ZMYM2: variants seen among roughly 807,000 people sequenced by gnomAD.
ZMYM2 encodes the protein zinc finger MYM-type containing 2, also known as zinc finger MYM-type protein 2.
In ZMYM2, 56 loss-of-function variants were observed where a neutral mutation model predicts 162.8. That is an observed-to-expected ratio of 0.34 (90% CI 0.28 to 0.43). The LOEUF (loss-of-function observed/expected upper bound fraction) is 0.43, where lower values mean the gene tolerates loss of function less well. Among genes scored for constraint, ZMYM2 ranks in the 20% least tolerant of loss-of-function variants. The pLI is 1.00. For synonymous variants in ZMYM2, 510 were observed against 541.6 expected (o/e 0.94, Z 0.81); for missense variants, 1,275 against 1,621.8 (o/e 0.79, Z 3.67).
chr13:19,874,668 C>A, the ZMYM2 span, among the ~76,000 whole-genome samples: 1 of 151,814 alleles, frequency 6.6e-6, no homozygotes, highest in Non-Finnish European at 1.5e-5. Flanking sequence ...TTCCCTAACT[C>A]ATAATCCTTA....
At chr13:19,882,732 G>T in the ZMYM2 span, among the ~76,000 whole-genome samples, 1 of 152,022 alleles carries the variant, frequency 6.6e-6, no homozygotes, top group South Asian at 2.1e-4. Context: ...AAGCGACAGG[G>T]TAAGACCCTG....
intron 6 of ZMYM2, among the ~76,000 whole-genome samples, chr13:20,014,343 ATTATAGGCATGATCCAC>A (rs1951439606): frequency 6.6e-6 from 1 of 152,148 alleles, no homozygotes; most frequent in South Asian, 2.1e-4. Flanking sequence ...AAATGTTGGG[ATTATAGGCATGATCCAC>A]TGCACCCGGC....
the ZMYM2 span, among the ~76,000 whole-genome samples, chr13:19,904,042 A>T: frequency 6.2e-3 from 944 of 152,166 alleles, 15 homozygotes; most frequent in African/African-American, 0.021. Flanking sequence ...AGAGAAGAAC[A>T]TATGTTTAAC....
chr13:19,994,487 G>A (rs1394271465), intron 3 of ZMYM2, among the ~76,000 whole-genome samples: 1 of 152,108 alleles, frequency 6.6e-6, no homozygotes, highest in Non-Finnish European at 1.5e-5. Context: ...TTGTACAGTA[G>A]TTGCATTTAG....
At chr13:20,063,429 C>A (rs904641222) in intron 18 of ZMYM2, among the ~76,000 whole-genome samples, 5 of 143,904 alleles carry the variant, frequency 3.5e-5, no homozygotes, top group Admixed American at 2.1e-4. Flanking sequence ...AAAAAAAATT[C>A]TAGAAGTAAT....
intron 7 of ZMYM2, among the ~76,000 whole-genome samples, chr13:20,023,568 C>T (rs941241681): frequency 6.6e-6 from 1 of 152,132 alleles, no homozygotes; most frequent in African/African-American, 2.4e-5. Context: ...ATCATATCTA[C>T]GTTTTACCTT....
At chr13:19,865,861 T>C in the ZMYM2 span, among the ~76,000 whole-genome samples, 2 of 152,340 alleles carry the variant, frequency 1.3e-5, no homozygotes, top group African/African-American at 4.8e-5. Context: ...TTGTAAATCT[T>C]TTGATAATTC....
intron 2 of ZMYM2, among the ~76,000 whole-genome samples, chr13:19,979,206 TC>T (rs1462630128): frequency 6.6e-6 from 1 of 152,186 alleles, no homozygotes; most frequent in Non-Finnish European, 1.5e-5. Context: ...CTCTTTGAGG[TC>T]CACAATGTGT....
intron 2 of ZMYM2, among the ~76,000 whole-genome samples, chr13:19,960,514 T>C (rs1955090329): frequency 1.3e-5 from 2 of 152,232 alleles, no homozygotes. Flanking sequence ...TTATGGCTCA[T>C]GAGTTGCTAG....
chr13:19,983,861 CA>C (rs1490086551), intron 2 of ZMYM2, among the ~76,000 whole-genome samples: 1 of 152,006 alleles, frequency 6.6e-6, no homozygotes, highest in Non-Finnish European at 1.5e-5. Flanking sequence ...ACTGCGGGCT[CA>C]AGAGATCTGC....
intron 2 of ZMYM2, among the ~76,000 whole-genome samples, chr13:19,991,058 GTGTGTGTACGTATGTATTTTC>G (rs771256940): frequency 0.031 from 4,342 of 139,034 alleles, 101 homozygotes; most frequent in Admixed American, 0.082. Context: ...CTGTGTGTGT[GTGTGTGTACGTATGTATTTTC>G]TGTGTGTGTG....
intron 3 of ZMYM2, among the ~76,000 whole-genome samples, chr13:19,994,442 TTAATA>T (rs1200042361): frequency 6.6e-6 from 1 of 152,244 alleles, no homozygotes; most frequent in African/African-American, 2.4e-5. Flanking sequence ...AACCAAAAGA[TTAATA>T]TAATAGCACA....
At chr13:20,043,467 G>A (rs1054006844) in intron 12 of ZMYM2, among the ~76,000 whole-genome samples, 4 of 152,140 alleles carry the variant, frequency 2.6e-5, no homozygotes, top group African/African-American at 4.8e-5. Context: ...GGTGGAGTGG[G>A]GAACCCCTGT....
the ZMYM2 span, among the ~76,000 whole-genome samples, chr13:19,894,840 T>C: frequency 1.3e-5 from 2 of 151,766 alleles, no homozygotes; most frequent in Non-Finnish European, 2.9e-5. Flanking sequence ...CCTGTAATCC[T>C]AGCACTTCGG....
At chr13:19,989,213 T>C (rs951124059) in intron 2 of ZMYM2, among the ~76,000 whole-genome samples, 1 of 152,250 alleles carries the variant, frequency 6.6e-6, no homozygotes. Flanking sequence ...TTGTGTTCTC[T>C]AACTTTTTAA....
chr13:19,944,374 T>TA, the ZMYM2 span, among the ~76,000 whole-genome samples: 1 of 152,192 alleles, frequency 6.6e-6, no homozygotes. Context: ...TAATGAGTAA[T>TA]ACAGTTTAAA....
intron 21 of ZMYM2, among the ~76,000 whole-genome samples, chr13:20,068,790 A>G (rs1462098436): frequency 6.6e-6 from 1 of 152,196 alleles, no homozygotes; most frequent in Non-Finnish European, 1.5e-5. Context: ...AAAGTGCTGT[A>G]GAGAGCACTA....
intron 14 of ZMYM2, among the ~76,000 whole-genome samples, chr13:20,054,016 C>G (rs900065228): frequency 1.3e-5 from 2 of 152,140 alleles, no homozygotes; most frequent in African/African-American, 2.4e-5. Context: ...GCACTTGAAC[C>G]AAACTATATG....
At chr13:19,865,747 T>C in the ZMYM2 span, among the ~76,000 whole-genome samples, 1 of 152,232 alleles carries the variant, frequency 6.6e-6, no homozygotes, top group Non-Finnish European at 1.5e-5. Context: ...GACAGGTTCA[T>C]GTCCCAATGA....
Sources: allele counts gnomAD v4.1 joint callset (sites outside exome capture counted in the v4.1 genomes callset), GRCh38; gene constraint gnomAD v4.1.1; transcripts MANE v1.5; gene names NCBI Gene and HGNC (gene_info 2026-07-23, HGNC 2026-07-21).